The following XYLT1 variants were observed in gnomAD, a reference collection of about 807,000 sequenced individuals.
XYLT1 encodes the protein xylosyltransferase 1, also known as beta-D-xylosyltransferase 1.
In XYLT1, 36 loss-of-function variants were observed where a neutral mutation model predicts 91.3. That is an observed-to-expected ratio of 0.39 (90% CI 0.30 to 0.52). The LOEUF (loss-of-function observed/expected upper bound fraction) is 0.52. Ranked by LOEUF, XYLT1 falls within the 20% of genes least tolerant of loss-of-function variation. XYLT1 has a pLI of 0.68. For missense variants in XYLT1, 1,242 were observed against 1,284.5 expected, an observed-to-expected ratio of 0.97 and a Z score of 0.51; for synonymous variants, 588 against 532.0, an observed-to-expected ratio of 1.11 and a Z score of -1.45.
At chr16:17,166,456 G>A (rs541313594) in intron 5 of XYLT1, among the ~76,000 whole-genome samples, 1 of 152,032 alleles carries the variant, frequency 6.6e-6, no homozygotes, top group Admixed American at 6.5e-5. Flanking sequence ...CATCTCTGTG[G>A]CTTCTATGCT....
intron 1 of XYLT1, among the ~76,000 whole-genome samples, chr16:17,437,728 T>C (rs912697736): frequency 5.3e-5 from 8 of 151,896 alleles, no homozygotes; most frequent in African/African-American, 1.9e-4. Flanking sequence ...TTACAGAAAA[T>C]TGTTCTGGGA....
chr16:17,325,725 T>C (rs910718808), intron 2 of XYLT1, among the ~76,000 whole-genome samples: 2 of 152,220 alleles, frequency 1.3e-5, no homozygotes, highest in African/African-American at 4.8e-5. Flanking sequence ...AAACATTTAA[T>C]TCAGAGAAAT....
rs141308036 is a variant in XYLT1 at position 17,343,073 on chromosome 16, T to A, written c.402+14939A>T. ...AACAAGAAAGTAACACGTAAACACC[T>A]CACGGCCAACATGGCACACAGCAGC... On this transcript the variant is annotated intron_variant, in intron 2 of 11. Transcript: ENST00000261381. 3.8e-3 allele frequency among the ~76,000 whole-genome samples: 584 copies of A among 152,224 alleles called. 5 individuals carry two copies. Among genetic ancestry groups the A allele is most frequent in the African/African-American group, 0.014 (561 of 41,550 alleles).
chr16:17,136,946 C>T (rs934526990), intron 8 of XYLT1, among the ~76,000 whole-genome samples: 9 of 152,008 alleles, frequency 5.9e-5, no homozygotes, highest in Non-Finnish European at 7.4e-5. Flanking sequence ...AGATTCTCTG[C>T]GATTAGGGCA....
At chr16:17,207,228 T>G (rs2032666670) in intron 3 of XYLT1, among the ~76,000 whole-genome samples, 1 of 151,908 alleles carries the variant, frequency 6.6e-6, no homozygotes, top group African/African-American at 2.4e-5. Flanking sequence ...TGGCTAAATT[T>G]TTTGTATTTT....
In XYLT1 at chr16:17,159,657, T is replaced by A. The variant is rs990079914; in HGVS notation, c.1290-748A>T. The stretch of plus-strand genomic sequence containing the variant: ...CATCAATGAATGGACGGATACCAAG[T>A]CCTCGATAACCACGGGGCTACTGAT... On this transcript the variant is annotated intron_variant, in intron 5 of 11. Coordinates refer to ENST00000261381, the MANE Select transcript of XYLT1 (RefSeq NM_022166.4). Among the ~76,000 whole-genome samples, 7 of 152,228 alleles carry A rather than the reference T, an allele frequency of 4.6e-5. No individual in the cohort carries two copies. In the East Asian group the frequency reaches 9.6e-4, roughly 21 times the overall value.
chr16:17,463,062 A>G (rs1298527646), intron 1 of XYLT1, among the ~76,000 whole-genome samples: 1 of 152,174 alleles, frequency 6.6e-6, no homozygotes, highest in African/African-American at 2.4e-5. Flanking sequence ...ATCACTCACC[A>G]TACACAAAAA....
chr16:17,439,327 GA>G (rs770747468), intron 1 of XYLT1, among the ~76,000 whole-genome samples: 14 of 152,056 alleles, frequency 9.2e-5, no homozygotes, highest in Non-Finnish European at 2.1e-4. Flanking sequence ...ACAGATGGGT[GA>G]AAGATTTTTT....
intron 1 of XYLT1, among the ~76,000 whole-genome samples, chr16:17,381,535 TTCTCCTG>T (rs528374473): frequency 7.0e-4 from 106 of 150,442 alleles, no homozygotes; most frequent in African/African-American, 2.2e-3. Flanking sequence ...TTTCAAGCAA[TTCTCCTG>T]CCTCAGCCTC....
chr16:17,455,706 T>G (rs1207346915), intron 1 of XYLT1, among the ~76,000 whole-genome samples: 3 of 152,230 alleles, frequency 2.0e-5, no homozygotes, highest in Non-Finnish European at 2.9e-5. Flanking sequence ...GGGATGGTGC[T>G]ACCATCAGAA....
At chr16:17,129,631 T>C (rs2030396114) in intron 9 of XYLT1, among the ~76,000 whole-genome samples, 1 of 152,216 alleles carries the variant, frequency 6.6e-6, no homozygotes, top group African/African-American at 2.4e-5. Context: ...GTAAGTTCTT[T>C]AGTGATGATT....
Position 17,437,014 on chromosome 16 carries a change from G to A in XYLT1, c.363+33420C>T, listed in dbSNP as rs138765407. ...TCCTTCCTGGGGGCCAGACCTGTGC[G>A]AAATGATCCACCTGCATTAGCTCAT... On this transcript the variant is annotated intron_variant, in intron 1 of 11. Transcript: ENST00000261381. Among the ~76,000 whole-genome samples, 428 of 152,230 alleles carry A rather than the reference G, an allele frequency of 2.8e-3. 4 individuals carry two copies. Among genetic ancestry groups the A allele is most frequent in the African/African-American group, 9.8e-3 (407 of 41,536 alleles).
intron 5 of XYLT1, among the ~76,000 whole-genome samples, chr16:17,181,142 C>T (rs946163598): frequency 2.0e-5 from 3 of 152,162 alleles, no homozygotes; most frequent in African/African-American, 7.2e-5. Context: ...TGTTGTTTCA[C>T]CTCATTGGGG....
chr16:17,397,388 C>G (rs2035900788), intron 1 of XYLT1, among the ~76,000 whole-genome samples: 1 of 152,128 alleles, frequency 6.6e-6, no homozygotes, highest in South Asian at 2.1e-4. Context: ...TTAAAAAACA[C>G]CCGAGACAAC....
intron 2 of XYLT1, among the ~76,000 whole-genome samples, chr16:17,289,365 C>T (rs1439616903): frequency 6.6e-6 from 1 of 152,148 alleles, no homozygotes; most frequent in Non-Finnish European, 1.5e-5. Context: ...TGTCGCCTCC[C>T]TCTTTCCCTC....
At chr16:17,445,134 G>C (rs1418138766) in intron 1 of XYLT1, among the ~76,000 whole-genome samples, 1 of 152,148 alleles carries the variant, frequency 6.6e-6, no homozygotes, top group Non-Finnish European at 1.5e-5. Context: ...CAAGTAGCTA[G>C]GACCACAGGC....
At chr16:17,373,977 AG>A (rs1419777054) in intron 1 of XYLT1, among the ~76,000 whole-genome samples, 2 of 152,244 alleles carry the variant, frequency 1.3e-5, no homozygotes, top group Non-Finnish European at 2.9e-5. Flanking sequence ...TGATTTAGTT[AG>A]ATTTGTGATA....
At chr16:17,143,976 T>C (rs1359503889) in intron 6 of XYLT1, among the ~76,000 whole-genome samples, 2 of 152,238 alleles carry the variant, frequency 1.3e-5, no homozygotes, top group Admixed American at 1.3e-4. Context: ...ACCATGGCAA[T>C]GAAAACATAT....
intron 1 of XYLT1, among the ~76,000 whole-genome samples, chr16:17,421,754 T>A (rs1374917454): frequency 6.6e-6 from 1 of 152,228 alleles, no homozygotes; most frequent in Non-Finnish European, 1.5e-5. Context: ...CCTAAGGTCC[T>A]GATCCACAAA....
Sources: allele counts gnomAD v4.1 joint callset (sites outside exome capture counted in the v4.1 genomes callset), GRCh38; gene constraint gnomAD v4.1.1; transcripts MANE v1.5; gene names NCBI Gene and HGNC (gene_info 2026-07-23, HGNC 2026-07-21).